The following TTC28 variants were observed in gnomAD, a reference collection of about 807,000 sequenced individuals.
TTC28 encodes the protein tetratricopeptide repeat domain 28.
In TTC28, 61 loss-of-function variants were observed where a neutral mutation model predicts 198.0. That is an observed-to-expected ratio of 0.31 (90% CI 0.25 to 0.38). The LOEUF is 0.38. TTC28 is among the 10% of genes least tolerant of loss of function. The probability of loss-of-function intolerance (pLI) is 1.00; values close to 1 mark genes in which losing one functional copy is unlikely to be tolerated. For synonymous variants in TTC28, 1,171 were observed against 1,297.8 expected (o/e 0.90, Z 2.10); for missense variants, 2,678 against 3,164.0 (o/e 0.85, Z 3.69).
At chr22:28,554,078 A>G (rs956186069) in intron 2 of TTC28, among the ~76,000 whole-genome samples, 2 of 152,080 alleles carry the variant, frequency 1.3e-5, no homozygotes, top group Non-Finnish European at 2.9e-5. Context: ...CCTTACCCCC[A>G]ACCCTGTGCT....
At chr22:28,124,192 G>GT (rs201060598) in intron 6 of TTC28, among the ~76,000 whole-genome samples, 1 of 144,038 alleles carries the variant, frequency 6.9e-6, no homozygotes, top group African/African-American at 2.9e-5. Flanking sequence ...TGTTGTTGTT[G>GT]TTGTTGTTTG....
chr22:28,658,247 T>C (rs1392583905), intron 1 of TTC28, among the ~76,000 whole-genome samples: 1 of 152,162 alleles, frequency 6.6e-6, no homozygotes, highest in Non-Finnish European at 1.5e-5. Flanking sequence ...GTAATGACAA[T>C]TGTGGGAAAC....
chr22:28,439,913 G>A (rs1012729097), intron 2 of TTC28, among the ~76,000 whole-genome samples: 5 of 151,770 alleles, frequency 3.3e-5, no homozygotes, highest in Admixed American at 2.0e-4. Flanking sequence ...TCGGCTCACC[G>A]CAACCTCCAC....
chr22:28,499,394 T>C (rs1266763617), intron 2 of TTC28, among the ~76,000 whole-genome samples: 1 of 152,190 alleles, frequency 6.6e-6, no homozygotes, highest in Admixed American at 6.5e-5. Context: ...AATTTTCACA[T>C]CCTTCATTAA....
At chr22:28,141,815 A>C (rs1943342857) in intron 6 of TTC28, among the ~76,000 whole-genome samples, 1 of 152,204 alleles carries the variant, frequency 6.6e-6, no homozygotes, top group Non-Finnish European at 1.5e-5. Context: ...AACCTCCCAC[A>C]TCAAACAGTT....
At chr22:28,004,158 G>C (rs911722588) in intron 14 of TTC28, among the ~76,000 whole-genome samples, 1 of 152,206 alleles carries the variant, frequency 6.6e-6, no homozygotes. Context: ...GTGAGGGTTG[G>C]GGAAGGCCTG....
chr22:28,200,830 A>T (rs1454838128), intron 5 of TTC28, among the ~76,000 whole-genome samples: 1 of 152,176 alleles, frequency 6.6e-6, no homozygotes, highest in African/African-American at 2.4e-5. Flanking sequence ...CAAGCCCCTG[A>T]TAATAGGTTC....
intron 2 of TTC28, among the ~76,000 whole-genome samples, chr22:28,349,991 T>C (rs927635811): frequency 6.6e-5 from 10 of 152,176 alleles, no homozygotes; most frequent in Admixed American, 5.9e-4. Flanking sequence ...TGTACAAAAC[T>C]CGCACAATTG....
chr22:28,654,761 G>C (rs889651987), intron 1 of TTC28, among the ~76,000 whole-genome samples: 1 of 152,146 alleles, frequency 6.6e-6, no homozygotes, highest in Non-Finnish European at 1.5e-5. Context: ...TCCTTAGGTG[G>C]GAAGTGGGAA....
At chr22:28,274,475 T>C (rs546130772) in intron 5 of TTC28, among the ~76,000 whole-genome samples, 1 of 152,338 alleles carries the variant, frequency 6.6e-6, no homozygotes, top group East Asian at 1.9e-4. Flanking sequence ...GTCTCAGAAA[T>C]AGGTGCTTAA....
At chr22:28,059,024 A>G (rs1016943642) in intron 12 of TTC28, among the ~76,000 whole-genome samples, 2 of 151,858 alleles carry the variant, frequency 1.3e-5, no homozygotes, top group African/African-American at 4.8e-5. Flanking sequence ...TGGTTTATCA[A>G]TTTTTTGCTC....
intron 2 of TTC28, among the ~76,000 whole-genome samples, chr22:28,321,662 A>G (rs765668958): frequency 3.9e-5 from 6 of 152,240 alleles, no homozygotes; most frequent in Non-Finnish European, 8.8e-5. Flanking sequence ...AGCACCCAGC[A>G]CAGTGTCTAG....
At chr22:28,214,533 G>T (rs898456139) in intron 5 of TTC28, among the ~76,000 whole-genome samples, 3 of 152,160 alleles carry the variant, frequency 2.0e-5, no homozygotes, top group African/African-American at 7.2e-5. Context: ...ATGAAAAATT[G>T]CTCATCATCA....
intron 2 of TTC28, among the ~76,000 whole-genome samples, chr22:28,509,148 A>G (rs1024740202): frequency 7.3e-5 from 11 of 151,284 alleles, no homozygotes; most frequent in South Asian, 6.3e-4. Flanking sequence ...CTGAGATTGC[A>G]CCACTGCACT....
chr22:28,584,917 G>A (rs149278700), intron 2 of TTC28, among the ~76,000 whole-genome samples: 246 of 152,320 alleles, frequency 1.6e-3, no homozygotes, highest in African/African-American at 5.4e-3. Flanking sequence ...AACTTGGACT[G>A]AGAAGTTATA....
rs1439238985 is a variant in TTC28 at position 27,978,626 on chromosome 22, T to G, written c.*3595A>C. 1 of 152,240 alleles carries G rather than the reference T, an allele frequency of 6.6e-6. No homozygotes were observed. The highest frequency in any genetic ancestry group is 1.5e-5 in the Non-Finnish European group (1 of 68,038). The allele number at this position is 152,240 out of a possible 1,614,324, so 9.4% of individuals were successfully genotyped here. A position where few individuals can be genotyped will look rare whatever the true frequency, so the allele number is the denominator to read the frequency against. ...GTCTCCTGCTAAAACCCAGCAAGTT[T>G]CAGTGTGGACCGTGAATTTTTAAAA... On this transcript the variant is annotated 3_prime_UTR_variant, in exon 23 of 23. Coordinates refer to ENST00000397906, the MANE Select transcript of TTC28 (RefSeq NM_001145418.2).
At chr22:28,072,700 A>T (rs745822206) in intron 12 of TTC28, among the ~76,000 whole-genome samples, 1 of 152,212 alleles carries the variant, frequency 6.6e-6, no homozygotes, top group Non-Finnish European at 1.5e-5. Context: ...CCCAGCGAAT[A>T]TAACTCCAGG....
At chr22:28,256,926 G>C (rs1930968796) in intron 5 of TTC28, among the ~76,000 whole-genome samples, 1 of 152,186 alleles carries the variant, frequency 6.6e-6, no homozygotes, top group Non-Finnish European at 1.5e-5. Context: ...TACAGTCTCA[G>C]CTACTCAGGA....
intron 2 of TTC28, among the ~76,000 whole-genome samples, chr22:28,512,321 G>A (rs1418631989): frequency 3.3e-5 from 5 of 152,148 alleles, no homozygotes; most frequent in Non-Finnish European, 7.3e-5. Context: ...CTTTTACACT[G>A]TTGGTAGAGT....
Sources: allele counts gnomAD v4.1 joint callset (sites outside exome capture counted in the v4.1 genomes callset), GRCh38; gene constraint gnomAD v4.1.1; transcripts MANE v1.5; gene names NCBI Gene and HGNC (gene_info 2026-07-23, HGNC 2026-07-21).